The following MCCC2 variants were observed in gnomAD, a reference collection of about 807,000 sequenced individuals.
MCCC2 encodes the protein methylcrotonyl-CoA carboxylase subunit 2.
In MCCC2, 52 loss-of-function variants were observed where a neutral mutation model predicts 77.2. The observed-to-expected ratio is 0.67, with a 90% CI of 0.54 to 0.85. The LOEUF (loss-of-function observed/expected upper bound fraction) is 0.85, where lower values mean the gene tolerates loss of function less well. Among genes scored for constraint, MCCC2 ranks in the 40% least tolerant of loss-of-function variants. The probability of loss-of-function intolerance (pLI) is 0.00; values close to 1 mark genes in which losing one functional copy is unlikely to be tolerated. For synonymous variants in MCCC2, 253 were observed against 248.4 expected (o/e 1.02, Z -0.18); for missense variants, 682 against 703.2 (o/e 0.97, Z 0.34).
chr5:71,633,605 T>G (rs1218493650), intron 8 of MCCC2, among the ~76,000 whole-genome samples: 2 of 152,126 alleles, frequency 1.3e-5, no homozygotes, highest in Non-Finnish European at 2.9e-5. Context: ...GGCTCTGTGT[T>G]CTCTCAAATG....
chr5:71,598,946 A>G (rs1243883482), intron 3 of MCCC2, among the ~76,000 whole-genome samples: 1 of 151,066 alleles, frequency 6.6e-6, no homozygotes, highest in Non-Finnish European at 1.5e-5. Context: ...TTTTGTAAAG[A>G]TGGGGTTTCC....
chr5:71,596,998 AAAAG>A (rs1440651192), intron 3 of MCCC2, among the ~76,000 whole-genome samples: 1 of 152,152 alleles, frequency 6.6e-6, no homozygotes, highest in African/African-American at 2.4e-5. Flanking sequence ...TGTCATGAGA[AAAAG>A]AAAAGGTGGC....
intron 11 of MCCC2, among the ~76,000 whole-genome samples, chr5:71,642,880 A>G (rs893012749): frequency 5.9e-5 from 9 of 152,178 alleles, no homozygotes; most frequent in Non-Finnish European, 1.2e-4. Context: ...ACTGGGGCCT[A>G]TAGTCCCAGC....
In MCCC2 at chr5:71,643,751, C is replaced by T. The variant is rs1021624294; in HGVS notation, c.1073-68C>T. The T allele has an allele frequency of 9.9e-6, 16 of 1,613,262 alleles. 1 individual carries two copies. The Middle Eastern group carries it at 2.1e-3, about 216-fold the overall frequency. ...GATATTAAAGAATGTGTAAATATGC[C>T]TCTTTCTTGTGAATTGAAGCCCTTG... is the stretch of plus-strand genomic sequence containing the variant. On this transcript the variant is annotated intron_variant, in intron 11 of 16. Coordinates refer to ENST00000340941, the MANE Select transcript of MCCC2 (RefSeq NM_022132.5).
intron 4 of MCCC2, among the ~76,000 whole-genome samples, chr5:71,600,488 TG>T (rs1298575005): frequency 5.3e-5 from 8 of 151,972 alleles, no homozygotes; most frequent in Admixed American, 3.3e-4. Flanking sequence ...TGCAGTGACA[TG>T]ATCATAGCTT....
At chr5:71,594,948 G>T (rs936952457) in intron 2 of MCCC2, among the ~76,000 whole-genome samples, 1 of 147,152 alleles carries the variant, frequency 6.8e-6, no homozygotes, top group Non-Finnish European at 1.5e-5. Context: ...ACTCAGGCTG[G>T]GGTGTAGTGG....
intron 8 of MCCC2, 123 bp from the exon 9 acceptor site, chr5:71,634,818 ATT>A: frequency 1.2e-6 from 1 of 830,370 alleles, no homozygotes; most frequent in Non-Finnish European, 2.0e-6. Context: ...AAGATGACAA[ATT>A]TTTTAAGTGT....
intron 8 of MCCC2, among the ~76,000 whole-genome samples, chr5:71,632,569 C>A (rs553981098): frequency 1.3e-5 from 2 of 152,082 alleles, no homozygotes; most frequent in African/African-American, 4.8e-5. Context: ...GTGGCTGATA[C>A]GCGATAAGGC....
At chr5:71,639,210 C>G (rs1747036894) in intron 10 of MCCC2, among the ~76,000 whole-genome samples, 1 of 152,210 alleles carries the variant, frequency 6.6e-6, no homozygotes, top group Non-Finnish European at 1.5e-5. Flanking sequence ...ACTAACCTCT[C>G]CCCAGCTATG....
In MCCC2 at chr5:71,635,216, T is replaced by C. The variant is rs112793062; in HGVS notation, c.969T>C (p.Ala323=). 4.2e-4 allele frequency: 671 copies of C among 1,614,176 alleles called. 8 individuals are homozygous for C. The African/African-American group carries it at 7.0e-3, about 17-fold the overall frequency. Reference sequence around the variant, plus strand: ...ATGAATTGTATGGAATAGTTGGTGCTAACCTTAAGAGGAGCTTTGATGTCC... The same window carrying C: ...ATGAATTGTATGGAATAGTTGGTGCCAACCTTAAGAGGAGCTTTGATGTCC... ...PADELYGIVG[A]NLKRSFDVRE... is the part of the protein sequence containing the mutation. Residue 323 remains alanine, a synonymous_variant, in exon 10 of 17, where the codon GCT becomes GCC. Transcript: ENST00000340941.
At chr5:71,600,868 G>C (rs1404499546) in intron 4 of MCCC2, among the ~76,000 whole-genome samples, 1 of 152,202 alleles carries the variant, frequency 6.6e-6, no homozygotes, top group Non-Finnish European at 1.5e-5. Flanking sequence ...TCCAGAGGCA[G>C]TGATGGTCAT....
intron 10 of MCCC2, among the ~76,000 whole-genome samples, chr5:71,638,767 C>T (rs1432398593): frequency 3.3e-5 from 5 of 152,278 alleles, no homozygotes; most frequent in East Asian, 3.9e-4. Flanking sequence ...GTGATCCACC[C>T]GTCTTGGCCT....
intron 6 of MCCC2, among the ~76,000 whole-genome samples, chr5:71,609,803 G>T (rs1026243902): frequency 1.3e-5 from 2 of 152,026 alleles, no homozygotes; most frequent in African/African-American, 2.4e-5. Flanking sequence ...ACCCTCAGCT[G>T]CAGGTCTGTT....
At chr5:71,592,843 T>G (rs901169555) in intron 1 of MCCC2, 83 bp from the exon 2 acceptor site, 77 of 1,132,692 alleles carry the variant, frequency 6.8e-5, no homozygotes, top group South Asian at 6.2e-4. Flanking sequence ...CCACTGTTTT[T>G]TTTTTTTTTT....
chr5:71,634,906 T>C, intron 8 of MCCC2, 37 bp from the exon 9 acceptor site: 1 of 1,573,478 alleles, frequency 6.4e-7, no homozygotes, highest in Non-Finnish European at 8.7e-7. Context: ...ATTTTCCTTT[T>C]CCCTGTTCTG....
intron 6 of MCCC2, among the ~76,000 whole-genome samples, chr5:71,609,561 C>G (rs942819148): frequency 5.3e-5 from 8 of 150,240 alleles, no homozygotes; most frequent in Admixed American, 4.0e-4. Flanking sequence ...GCCTTCTTCT[C>G]TCAGCTCATC....
intron 6 of MCCC2, among the ~76,000 whole-genome samples, chr5:71,607,768 A>G (rs574186208): frequency 1.3e-5 from 2 of 150,284 alleles, no homozygotes; most frequent in East Asian, 3.9e-4. Context: ...AGATTCTGGT[A>G]TGTTGTGTCT....
Position 71,596,326 on chromosome 5 carries a change from A to G in MCCC2, c.243A>G (p.Leu81=). ...ARALHISRGK[L]LPRERIDNLI... is the part of the protein sequence containing the mutation. ...CACTTCACATATCAAGAGGAAAACT[A>G]TTGCCCAGAGAAAGAATTGACAATC... The change falls in exon 3 of 17, where the codon CTA becomes CTG. Residue 81 remains leucine, a synonymous_variant. Coordinates refer to ENST00000340941, the MANE Select transcript of MCCC2 (RefSeq NM_022132.5). The G allele has an allele frequency of 1.2e-6, 2 of 1,614,172 alleles. No individual in the cohort carries two copies. The highest frequency in any genetic ancestry group is 1.6e-4 in the Middle Eastern group (1 of 6,062).
intron 2 of MCCC2, among the ~76,000 whole-genome samples, chr5:71,595,570 A>G (rs964744704): frequency 6.6e-6 from 1 of 152,204 alleles, no homozygotes; most frequent in Non-Finnish European, 1.5e-5. Flanking sequence ...TTGGACACCA[A>G]TAAAAATAAA....
Sources: allele counts gnomAD v4.1 joint callset (sites outside exome capture counted in the v4.1 genomes callset), GRCh38; gene constraint gnomAD v4.1.1; transcripts MANE v1.5; gene names NCBI Gene and HGNC (gene_info 2026-07-23, HGNC 2026-07-21).